RASL12: variants seen among roughly 807,000 people sequenced by gnomAD.
The protein encoded by RASL12 is ras-like protein family member 12.
In RASL12, 16 loss-of-function variants were observed where a neutral mutation model predicts 22.9. The ratio of observed to expected loss-of-function variants is 0.70; its 90% CI spans 0.47 to 1.06. The LOEUF (loss-of-function observed/expected upper bound fraction) is 1.06, where lower values mean the gene tolerates loss of function less well. RASL12 is among the 50% of genes least tolerant of loss of function. The pLI is 0.00. For synonymous variants in RASL12, 159 were observed against 152.2 expected (o/e 1.04, Z -0.33); for missense variants, 306 against 353.1 (o/e 0.87, Z 1.07).
rs1031250839 is a variant in RASL12 at position 65,066,848 on chromosome 15, C to T, written c.103+885G>A. ...GGGAGGAAACCCACAGCCAGCTGAG[C>T]TTGGGTTGGCCATCACTAACGGCTA... On this transcript the variant is annotated intron_variant, in intron 1 of 4. Transcript: ENST00000220062. 5.3e-5 allele frequency among the ~76,000 whole-genome samples: 8 copies of T among 152,164 alleles called. 1 individual carries two copies. The highest frequency in any genetic ancestry group is 4.4e-5 in the Non-Finnish European group (3 of 68,036).
intron 1 of RASL12, among the ~76,000 whole-genome samples, chr15:65,067,428 G>T (rs1337915275): frequency 6.6e-6 from 1 of 152,052 alleles, no homozygotes; most frequent in Non-Finnish European, 1.5e-5. Flanking sequence ...AGACACACAA[G>T]AGAGAGGGGA....
At chr15:65,062,702 G>C (rs2086824543) in intron 2 of RASL12, among the ~76,000 whole-genome samples, 1 of 152,184 alleles carries the variant, frequency 6.6e-6, no homozygotes, top group Non-Finnish European at 1.5e-5. Flanking sequence ...AATGAGCTCA[G>C]GCTCTCAGAA....
At chr15:65,053,251 C>T (rs546242693), downstream of RASL12, 1 of 1,511,798 alleles carries the variant, frequency 6.6e-7, no homozygotes, top group East Asian at 2.3e-5. Flanking sequence ...TTTAGAGTCT[C>T]TCCCAAGAAG....
At chr15:65,048,456 C>T (rs138661412), downstream of RASL12, among the ~76,000 whole-genome samples, 232 of 152,256 alleles carry the variant, frequency 1.5e-3, no homozygotes, top group South Asian at 3.1e-3. Flanking sequence ...TTTTTGAATG[C>T]CCCTGGCTAA....
chr15:65,051,476 G>T, downstream of RASL12: 1 of 1,600,726 alleles, frequency 6.2e-7, no homozygotes, highest in South Asian at 1.1e-5. Context: ...GAGGTGCCTG[G>T]CCATTCCTCA....
intron 1 of RASL12, among the ~76,000 whole-genome samples, chr15:65,074,683 CA>C (rs1376792727): frequency 6.6e-6 from 1 of 152,216 alleles, no homozygotes; most frequent in Non-Finnish European, 1.5e-5. Flanking sequence ...AGGAATGAGC[CA>C]CCGTTCCTGG....
chr15:65,059,160 T>G (rs2086772338), intron 3 of RASL12, among the ~76,000 whole-genome samples, 185 bp downstream of exon 3: 1 of 152,242 alleles, frequency 6.6e-6, no homozygotes, highest in African/African-American at 2.4e-5. Flanking sequence ...CCCTGTCCCA[T>G]CCTTCTCATT....
chr15:65,058,010 G>T (rs1249010594), intron 4 of RASL12, among the ~76,000 whole-genome samples: 1 of 152,190 alleles, frequency 6.6e-6, no homozygotes, highest in Non-Finnish European at 1.5e-5. Context: ...GGTGGCTCAC[G>T]CCTGTAATCC....
At chr15:65,062,197 T>G (rs2086817303) in intron 2 of RASL12, among the ~76,000 whole-genome samples, 1 of 152,138 alleles carries the variant, frequency 6.6e-6, no homozygotes, top group Non-Finnish European at 1.5e-5. Context: ...GAGGAGAATA[T>G]TCTCCTGGAG....
intron 1 of RASL12, among the ~76,000 whole-genome samples, chr15:65,075,293 G>A (rs2086958227): frequency 6.6e-6 from 1 of 152,224 alleles, no homozygotes. Context: ...AGCCCGCCAT[G>A]CCTGAGCCTC....
At chr15:65,059,020 T>C (rs1443553438) in intron 3 of RASL12, among the ~76,000 whole-genome samples, 6 of 152,198 alleles carry the variant, frequency 3.9e-5, no homozygotes, top group African/African-American at 1.4e-4. Flanking sequence ...GGGAGAGACC[T>C]GGGCCGAGGG....
At chr15:65,071,987 C>T (rs974345885), upstream of RASL12, among the ~76,000 whole-genome samples, 6 of 151,952 alleles carry the variant, frequency 3.9e-5, no homozygotes, top group African/African-American at 1.4e-4. Context: ...TTTGTTTCCT[C>T]GTCTGTGAAA....
chr15:65,058,367 C>T (rs1446688474), intron 4 of RASL12, 60 bp downstream of exon 4: 1 of 1,369,108 alleles, frequency 7.3e-7, no homozygotes, highest in Non-Finnish European at 9.6e-7. Context: ...AAGATGCCAC[C>T]TGACCTTACA....
At position 65,055,098 on chromosome 15, in the gene RASL12, T is replaced by C. The variant is rs757660278; in HGVS notation, c.602A>G (p.Glu201Gly). 2.3e-5 allele frequency: 37 copies of C among 1,611,428 alleles called. No individual in the cohort carries two copies. In the East Asian group the frequency reaches 7.6e-4, roughly 33 times the overall value. The part of the protein sequence containing the change: ...PLTRPLFISE[E>G]RALPHQAPLT... Reference sequence around the variant, plus strand: ...CGGGGCCTGGTGGGGCAGGGCCCTCTCCTCGGAGATGAAGAGGGGCCGGGT... The same window carrying C: ...CGGGGCCTGGTGGGGCAGGGCCCTCCCCTCGGAGATGAAGAGGGGCCGGGT... Residue 201 changes from glutamate to glycine, a missense_variant, in exon 5 of 5, where the codon GAG (glutamate) becomes GGG (glycine). Coordinates refer to ENST00000220062, the MANE Select transcript of RASL12 (RefSeq NM_016563.4).
At position 65,054,868 on chromosome 15, in the gene RASL12, C is replaced by T. The variant is rs1480360960; in HGVS notation, c.*31G>A. 1.3e-6 allele frequency: 2 copies of T among 1,586,162 alleles called. No homozygotes were observed. The highest frequency in any genetic ancestry group is 1.7e-6 in the Non-Finnish European group (2 of 1,164,302). ...CTGTCCTGCTGCAGTCCTGTCCAGC[C>T]ACCGAGCCTAGGCTTCCTGGGGAGG... On this transcript the variant is annotated 3_prime_UTR_variant, in exon 5 of 5. Coordinates refer to ENST00000220062, the MANE Select transcript of RASL12 (RefSeq NM_016563.4).
At chr15:65,057,416 G>A (rs377643291) in intron 4 of RASL12, among the ~76,000 whole-genome samples, 3 of 152,296 alleles carry the variant, frequency 2.0e-5, no homozygotes, top group African/African-American at 4.8e-5. Flanking sequence ...AGGGCCAGGC[G>A]GGCAACTTGA....
At chr15:65,062,075 A>AG (rs982969707) in intron 2 of RASL12, among the ~76,000 whole-genome samples, 7 of 151,850 alleles carry the variant, frequency 4.6e-5, no homozygotes, top group African/African-American at 1.7e-4. Context: ...AAAAAAAAAA[A>AG]AAAAAGAAAT....
intron 2 of RASL12, among the ~76,000 whole-genome samples, chr15:65,060,001 A>G (rs2086782944): frequency 6.6e-6 from 1 of 152,228 alleles, no homozygotes; most frequent in Non-Finnish European, 1.5e-5. Flanking sequence ...ATTAAACCCA[A>G]TGTCAGCTGC....
At chr15:65,059,810 C>T (rs1225716958) in intron 2 of RASL12, among the ~76,000 whole-genome samples, 1 of 152,250 alleles carries the variant, frequency 6.6e-6, no homozygotes, top group African/African-American at 2.4e-5. Context: ...TCTTCCCCCT[C>T]AACCAACCTC....
Sources: gnomAD v4.1 joint callset for allele counts (sites outside exome capture counted in the v4.1 genomes callset) on GRCh38, gnomAD v4.1.1 for gene constraint, MANE v1.5 for transcripts, NCBI Gene and HGNC (gene_info 2026-07-23, HGNC 2026-07-21) for gene names.